Variants in ZMAT4 observed in about 807,000 individuals in gnomAD.
ZMAT4 encodes the protein zinc finger matrin-type protein 4.
A neutral mutation model predicts 28.7 loss-of-function variants in ZMAT4; 17 were observed. The observed-to-expected ratio is 0.59, with a 90% CI of 0.41 to 0.89. The LOEUF (loss-of-function observed/expected upper bound fraction) is 0.89. Ranked by LOEUF, ZMAT4 falls within the 40% of genes least tolerant of loss-of-function variation. The pLI is 0.00. For synonymous variants in ZMAT4, 117 were observed against 109.2 expected (o/e 1.07, Z -0.44); for missense variants, 240 against 283.8 (o/e 0.85, Z 1.11).
chr8:40,738,821 T>TA (rs899994517), intron 3 of ZMAT4, among the ~76,000 whole-genome samples: 45 of 152,210 alleles, frequency 3.0e-4, no homozygotes, highest in Admixed American at 2.5e-3. Flanking sequence ...AAACAGACTT[T>TA]AAAAAAATGG....
chr8:40,734,207 GA>G (rs1811660773), intron 3 of ZMAT4, among the ~76,000 whole-genome samples: 1 of 152,104 alleles, frequency 6.6e-6, no homozygotes, highest in South Asian at 2.1e-4. Context: ...TCTTACTTAC[GA>G]AATATTGCTC....
At chr8:40,638,485 A>G (rs747557989) in intron 5 of ZMAT4, among the ~76,000 whole-genome samples, 5 of 152,260 alleles carry the variant, frequency 3.3e-5, no homozygotes, top group Non-Finnish European at 5.9e-5. Context: ...GAGGAAATCC[A>G]CTGAGTCTCT....
chr8:40,651,774 G>A (rs1245062703), intron 5 of ZMAT4, among the ~76,000 whole-genome samples: 2 of 148,116 alleles, frequency 1.4e-5, no homozygotes, highest in Admixed American at 6.8e-5. Flanking sequence ...CAGAAATAAC[G>A]CCGCATATCT....
intron 1 of ZMAT4, among the ~76,000 whole-genome samples, chr8:40,845,568 A>G (rs1340960552): frequency 6.6e-6 from 1 of 152,036 alleles, no homozygotes; most frequent in Non-Finnish European, 1.5e-5. Flanking sequence ...TGAAAAAAAA[A>G]ATAACAGTGT....
chr8:40,712,073 G>A (rs1272632535), intron 3 of ZMAT4, among the ~76,000 whole-genome samples: 1 of 152,188 alleles, frequency 6.6e-6, no homozygotes, highest in Non-Finnish European at 1.5e-5. Context: ...AGAAAAGGAT[G>A]AAGCACACAC....
intron 6 of ZMAT4, among the ~76,000 whole-genome samples, chr8:40,553,951 A>G (rs1160415682): frequency 2.0e-5 from 3 of 152,160 alleles, no homozygotes; most frequent in Non-Finnish European, 4.4e-5. Flanking sequence ...CAGTTTACAG[A>G]TGAGGACTCT....
chr8:40,875,925 G>A (rs1479822731), intron 1 of ZMAT4, among the ~76,000 whole-genome samples: 1 of 152,176 alleles, frequency 6.6e-6, no homozygotes, highest in Non-Finnish European at 1.5e-5. Context: ...TGGGAAAGAC[G>A]ACGGATATGT....
At chr8:40,840,779 G>A (rs1363731949) in intron 1 of ZMAT4, among the ~76,000 whole-genome samples, 3 of 152,170 alleles carry the variant, frequency 2.0e-5, no homozygotes, top group African/African-American at 7.2e-5. Context: ...AGCTAGTGCC[G>A]AATTCTGGTT....
intron 3 of ZMAT4, among the ~76,000 whole-genome samples, chr8:40,719,503 A>G (rs1394873949): frequency 1.3e-5 from 2 of 152,180 alleles, no homozygotes; most frequent in African/African-American, 4.8e-5. Flanking sequence ...TAGAGAAAGC[A>G]GGGAGAAATA....
chr8:40,665,227 AAC>A, intron 5 of ZMAT4, among the ~76,000 whole-genome samples: 1 of 150,872 alleles, frequency 6.6e-6, no homozygotes, highest in Admixed American at 6.6e-5. Flanking sequence ...ACAACAAAAA[AAC>A]ACACACACAA....
intron 6 of ZMAT4, among the ~76,000 whole-genome samples, chr8:40,549,053 AG>A (rs1803288297): frequency 6.6e-6 from 1 of 152,082 alleles, no homozygotes; most frequent in South Asian, 2.1e-4. Flanking sequence ...TGAGGTCATG[AG>A]GCCTCCACCC....
chr8:40,658,153 G>A (rs1808012004), intron 5 of ZMAT4, among the ~76,000 whole-genome samples: 1 of 152,002 alleles, frequency 6.6e-6, no homozygotes, highest in South Asian at 2.1e-4. Context: ...AACTCACTGT[G>A]AGTATACTTT....
chr8:40,784,395 G>T (rs1813976124), intron 2 of ZMAT4, among the ~76,000 whole-genome samples: 1 of 152,084 alleles, frequency 6.6e-6, no homozygotes, highest in Non-Finnish European at 1.5e-5. Flanking sequence ...AATTCAAGTA[G>T]CTAGGGAAAG....
intron 5 of ZMAT4, among the ~76,000 whole-genome samples, chr8:40,652,257 CA>C (rs1190100941): frequency 1.9e-5 from 2 of 106,440 alleles, no homozygotes; most frequent in Non-Finnish European, 4.1e-5. Context: ...ACAACCCCAT[CA>C]AAAAGTGGGT....
intron 2 of ZMAT4, among the ~76,000 whole-genome samples, chr8:40,823,378 G>T (rs1026453743): frequency 6.6e-6 from 1 of 152,110 alleles, no homozygotes; most frequent in Non-Finnish European, 1.5e-5. Flanking sequence ...AAAAAATCTG[G>T]CCGGACACGG....
rs1807344782 is a variant in ZMAT4, at chr8:40,646,911, G to C, written c.577+27793C>G. On this transcript the variant is annotated intron_variant, in intron 5 of 6. Transcript: ENST00000297737. The stretch of plus-strand genomic sequence containing the variant: ...AAAACAGTATACATATTCTTCTCAA[G>C]TGCACATGAATCATTCTCTAGGACA... Among the ~76,000 whole-genome samples, 5 of 152,198 alleles carry C rather than the reference G, an allele frequency of 3.3e-5. No homozygotes were observed. The South Asian group carries it at 1.0e-3, about 31-fold the overall frequency.
intron 1 of ZMAT4, among the ~76,000 whole-genome samples, chr8:40,857,887 T>A (rs1817353481): frequency 6.6e-6 from 1 of 152,136 alleles, no homozygotes; most frequent in Non-Finnish European, 1.5e-5. Flanking sequence ...AAAACATTAT[T>A]ATTGAAGCAA....
intron 1 of ZMAT4, among the ~76,000 whole-genome samples, chr8:40,871,416 A>G (rs1817853581): frequency 6.6e-6 from 1 of 152,208 alleles, no homozygotes; most frequent in Admixed American, 6.5e-5. Flanking sequence ...GAGAAAATAG[A>G]CACAATAAGG....
At chr8:40,663,813 TA>T (rs1808296619) in intron 5 of ZMAT4, among the ~76,000 whole-genome samples, 1 of 152,230 alleles carries the variant, frequency 6.6e-6, no homozygotes, top group Admixed American at 6.5e-5. Context: ...CGTATGTGTT[TA>T]AGGGTCCTAT....
Sources: allele counts gnomAD v4.1 joint callset (sites outside exome capture counted in the v4.1 genomes callset), GRCh38; gene constraint gnomAD v4.1.1; transcripts MANE v1.5; gene names NCBI Gene and HGNC (gene_info 2026-07-23, HGNC 2026-07-21).